WIPF3: variants seen among roughly 807,000 people sequenced by gnomAD.
The protein encoded by WIPF3 is WAS/WASL-interacting protein family member 3.
A neutral mutation model predicts 38.9 loss-of-function variants in WIPF3; 33 were observed. The observed-to-expected ratio is 0.85, with a 90% CI of 0.64 to 1.14. The LOEUF (loss-of-function observed/expected upper bound fraction) is 1.14. WIPF3 is among the 50% of genes most tolerant of loss of function. WIPF3 has a pLI of 0.00. For missense variants in WIPF3, 711 were observed against 652.5 expected (o/e 1.09, Z -0.98); for synonymous variants, 324 against 269.3 (o/e 1.20, Z -1.99).
chr7:29,887,547 A>G (rs967775558), intron 5 of WIPF3, among the ~76,000 whole-genome samples: 2 of 152,166 alleles, frequency 1.3e-5, no homozygotes, highest in Non-Finnish European at 2.9e-5. Flanking sequence ...CCGGAAAGAG[A>G]AACAAGCATT....
intron 2 of WIPF3, among the ~76,000 whole-genome samples, chr7:29,841,783 G>A (rs1038014539): frequency 1.3e-5 from 2 of 152,138 alleles, no homozygotes; most frequent in Admixed American, 6.5e-5. Flanking sequence ...CTGCACTCCA[G>A]CCTGGCTCAA....
At chr7:29,870,176 C>G (rs2046101056) in intron 2 of WIPF3, among the ~76,000 whole-genome samples, 1 of 152,024 alleles carries the variant, frequency 6.6e-6, no homozygotes, top group African/African-American at 2.4e-5. Flanking sequence ...GAGGTGAGCA[C>G]CAGCATGGAA....
At chr7:29,908,014 A>G (rs1237169558) in intron 8 of WIPF3, among the ~76,000 whole-genome samples, 2 of 152,242 alleles carry the variant, frequency 1.3e-5, no homozygotes, top group African/African-American at 2.4e-5. Flanking sequence ...CTTGTCAGTA[A>G]TTGCTTCAAA....
chr7:29,883,865 A>G lies in WIPF3; in HGVS notation c.371A>G (p.Gln124Arg). The G allele has an allele frequency of 1.9e-6, 3 of 1,554,180 alleles. No individual in the cohort carries two copies. Among genetic ancestry groups the G allele is most frequent in the East Asian group, 2.3e-5 (1 of 44,094 alleles). The stretch of plus-strand genomic sequence containing the variant: ...TCACTTCCAGGTGGCAAGACAGGGC[A>G]GGGCCCTGGCTCCCGCGCGCCCTCT... ...QRDVAGGKTG[Q>R]GPGSRAPSPR... The change falls in exon 5 of 9, where the codon CAG becomes CGG. Residue 124 changes from glutamine (Q) to arginine (R), a missense_variant. Gln to Arg is a conservative substitution (Grantham distance 43, BLOSUM62 1). Coordinates refer to ENST00000242140, the MANE Select transcript of WIPF3 (RefSeq NM_001080529.3).
At chr7:29,887,294 GTAA>G (rs1453962175) in intron 5 of WIPF3, among the ~76,000 whole-genome samples, 1 of 152,258 alleles carries the variant, frequency 6.6e-6, no homozygotes, top group Non-Finnish European at 1.5e-5. Flanking sequence ...AGCACAGATA[GTAA>G]TAATGTAATT....
At chr7:29,835,316 A>T (rs1438403093) in intron 2 of WIPF3, among the ~76,000 whole-genome samples, 1 of 152,140 alleles carries the variant, frequency 6.6e-6, no homozygotes, top group Admixed American at 6.5e-5. Flanking sequence ...AGGCTATTTC[A>T]GTTCGTGTTG....
rs1786571959 is a variant in WIPF3, at chr7:29,914,664, T to C, written c.*148T>C. The C allele has an allele frequency of 4.1e-6, 2 of 493,416 alleles. No individual in the cohort carries two copies. Among genetic ancestry groups the C allele is most frequent in the Admixed American group, 8.5e-5 (2 of 23,414 alleles). The allele number at this position is 493,416 out of a possible 1,614,324, so 30.6% of individuals were successfully genotyped here. On this transcript the variant is annotated 3_prime_UTR_variant, in exon 9 of 9. Coordinates refer to ENST00000242140, the MANE Select transcript of WIPF3 (RefSeq NM_001080529.3). The stretch of plus-strand genomic sequence containing the variant: ...TTGTAAATATGTGATTTGCACGGGC[T>C]TTAAAGCAGTATTTTAATTGACTTT...
At chr7:29,873,192 C>G (rs1289014668) in intron 2 of WIPF3, among the ~76,000 whole-genome samples, 1 of 152,184 alleles carries the variant, frequency 6.6e-6, no homozygotes, top group Non-Finnish European at 1.5e-5. Context: ...ATGACCCTCC[C>G]CTCCAATCCC....
intron 1 of WIPF3, among the ~76,000 whole-genome samples, chr7:29,810,947 G>A (rs1346229660): frequency 1.3e-5 from 2 of 152,066 alleles, no homozygotes; most frequent in Non-Finnish European, 2.9e-5. Context: ...GGAGTGCAGT[G>A]GTTTGATCAC....
chr7:29,890,116 TG>T (rs1390822848), intron 7 of WIPF3, among the ~76,000 whole-genome samples: 1 of 152,096 alleles, frequency 6.6e-6, no homozygotes, highest in African/African-American at 2.4e-5. Context: ...CCCAGCACTT[TG>T]GGAGGCTGAG....
At chr7:29,850,497 G>A (rs1394907129) in intron 2 of WIPF3, among the ~76,000 whole-genome samples, 2 of 152,216 alleles carry the variant, frequency 1.3e-5, no homozygotes, top group Non-Finnish European at 2.9e-5. Flanking sequence ...GGCCTCTCCC[G>A]AGCTGGAGGA....
At chr7:29,830,665 A>G (rs1245909617) in intron 1 of WIPF3, among the ~76,000 whole-genome samples, 1 of 152,002 alleles carries the variant, frequency 6.6e-6, no homozygotes, top group East Asian at 1.9e-4. Flanking sequence ...TTTAGATAAG[A>G]AAAACCAGGG....
intron 1 of WIPF3, among the ~76,000 whole-genome samples, chr7:29,825,007 A>G (rs957460720): frequency 6.6e-6 from 1 of 152,194 alleles, no homozygotes; most frequent in Admixed American, 6.5e-5. Flanking sequence ...CCATCTGCAC[A>G]TTATTTCCTC....
intron 1 of WIPF3, among the ~76,000 whole-genome samples, chr7:29,826,163 G>T (rs1007053128): frequency 2.0e-5 from 3 of 152,148 alleles, no homozygotes; most frequent in Admixed American, 1.3e-4. Context: ...TTCCAGAGCA[G>T]GGTTCTTCAA....
chr7:29,841,644 C>G (rs756978113), intron 2 of WIPF3, among the ~76,000 whole-genome samples: 24 of 152,120 alleles, frequency 1.6e-4, no homozygotes, highest in Non-Finnish European at 2.9e-4. Context: ...AACCCCATCT[C>G]TACTAAAAAA....
intron 7 of WIPF3, among the ~76,000 whole-genome samples, chr7:29,892,727 G>A (rs1786049018): frequency 6.6e-6 from 1 of 152,212 alleles, no homozygotes; most frequent in Non-Finnish European, 1.5e-5. Flanking sequence ...CGGACGTGAT[G>A]AGATGCAGGT....
chr7:29,846,282 G>A (rs187962942), intron 2 of WIPF3, among the ~76,000 whole-genome samples: 21 of 152,208 alleles, frequency 1.4e-4, no homozygotes, highest in Non-Finnish European at 2.2e-4. Context: ...GGAACACAGC[G>A]TACCCACTTT....
intron 2 of WIPF3, among the ~76,000 whole-genome samples, chr7:29,856,857 T>C (rs1252626903): frequency 2.0e-5 from 3 of 152,162 alleles, no homozygotes; most frequent in African/African-American, 7.2e-5. Flanking sequence ...ATTTTTTCAC[T>C]CTTGTCATAT....
intron 1 of WIPF3, among the ~76,000 whole-genome samples, chr7:29,813,913 T>C (rs1784418783): frequency 6.8e-6 from 1 of 146,102 alleles, no homozygotes; most frequent in African/African-American, 2.6e-5. Context: ...TGTGGCCTTT[T>C]TGGTAAGAGA....
Sources: gnomAD v4.1 joint callset for allele counts (sites outside exome capture counted in the v4.1 genomes callset) on GRCh38, gnomAD v4.1.1 for gene constraint, MANE v1.5 for transcripts, NCBI Gene and HGNC (gene_info 2026-07-23, HGNC 2026-07-21) for gene names.